The following FRMD3 variants were observed in gnomAD, a reference collection of about 807,000 sequenced individuals.
The protein encoded by FRMD3 is FERM domain containing 3, also known as FERM domain-containing protein 3.
In FRMD3, 33 loss-of-function variants were observed where a neutral mutation model predicts 70.2. The ratio of observed to expected loss-of-function variants is 0.47; its 90% CI spans 0.36 to 0.63. The LOEUF (loss-of-function observed/expected upper bound fraction) is 0.63. Ranked by LOEUF, FRMD3 falls within the 20% of genes least tolerant of loss-of-function variation. The pLI is 0.00. For missense variants in FRMD3, 632 were observed against 711.4 expected (o/e 0.89, Z 1.27); for synonymous variants, 279 against 255.9 (o/e 1.09, Z -0.86).
chr9:83,438,852 G>T (rs1016192036), intron 1 of FRMD3, among the ~76,000 whole-genome samples: 1 of 152,218 alleles, frequency 6.6e-6, no homozygotes, highest in African/African-American at 2.4e-5. Context: ...AGGGCCATGA[G>T]AAGTTGTTCC....
At chr9:83,505,124 T>A (rs1428525536) in intron 1 of FRMD3, among the ~76,000 whole-genome samples, 3 of 152,160 alleles carry the variant, frequency 2.0e-5, no homozygotes, top group African/African-American at 7.2e-5. Context: ...AAAGTCCCCC[T>A]CCTACAATAA....
intron 2 of FRMD3, among the ~76,000 whole-genome samples, chr9:83,385,699 C>T (rs1413283082): frequency 6.6e-6 from 1 of 151,840 alleles, no homozygotes; most frequent in African/African-American, 2.4e-5. Context: ...CCAAATAATT[C>T]ATCAGTTTTA....
intron 1 of FRMD3, among the ~76,000 whole-genome samples, chr9:83,508,939 A>T (rs113065223): frequency 0.014 from 2,087 of 152,034 alleles, 58 homozygotes; most frequent in African/African-American, 0.048. Context: ...CCAATATCCC[A>T]TTCCCAGGGA....
intron 6 of FRMD3, among the ~76,000 whole-genome samples, chr9:83,318,503 A>G (rs1307789980): frequency 1.3e-5 from 2 of 151,972 alleles, no homozygotes; most frequent in African/African-American, 2.4e-5. Flanking sequence ...GTGTGTATAT[A>G]TATATATCAC....
intron 1 of FRMD3, among the ~76,000 whole-genome samples, chr9:83,463,614 T>C (rs897700005): frequency 1.3e-5 from 2 of 152,182 alleles, no homozygotes; most frequent in African/African-American, 4.8e-5. Context: ...GGAACTACAA[T>C]TCAAGATGAG....
intron 1 of FRMD3, among the ~76,000 whole-genome samples, chr9:83,486,872 A>C (rs1345192285): frequency 6.6e-6 from 1 of 152,172 alleles, no homozygotes; most frequent in African/African-American, 2.4e-5. Flanking sequence ...TTTGATAGCA[A>C]TGACTGAATA....
chr9:83,353,793 C>T (rs183966745), intron 3 of FRMD3, among the ~76,000 whole-genome samples: 16 of 152,292 alleles, frequency 1.1e-4, no homozygotes, highest in East Asian at 9.6e-4. Flanking sequence ...GAGTTGGTTA[C>T]GATAGCTACT....
intron 1 of FRMD3, among the ~76,000 whole-genome samples, chr9:83,469,300 C>T (rs1404996959): frequency 6.6e-6 from 1 of 152,168 alleles, no homozygotes; most frequent in Non-Finnish European, 1.5e-5. Context: ...GTCACTCTAA[C>T]AGAGCTCAAC....
At chr9:83,418,423 C>A (rs1049169881) in intron 1 of FRMD3, among the ~76,000 whole-genome samples, 1 of 151,824 alleles carries the variant, frequency 6.6e-6, no homozygotes, top group Non-Finnish European at 1.5e-5. Flanking sequence ...TCAAATAGAT[C>A]ACCAAGAAAA....
At chr9:83,332,291 C>T (rs1352651124) in intron 6 of FRMD3, among the ~76,000 whole-genome samples, 1 of 152,162 alleles carries the variant, frequency 6.6e-6, no homozygotes. Flanking sequence ...TACCTTCAGT[C>T]ATCAATCTAA....
At chr9:83,322,435 A>G (rs1420317219) in intron 6 of FRMD3, among the ~76,000 whole-genome samples, 1 of 152,186 alleles carries the variant, frequency 6.6e-6, no homozygotes, top group Non-Finnish European at 1.5e-5. Context: ...AGCAGCTCAC[A>G]ACAAGGCAGT....
At chr9:83,330,726 A>T (rs10780593) in intron 6 of FRMD3, among the ~76,000 whole-genome samples, 66,963 of 152,092 alleles carry the variant, frequency 0.44, 15,094 homozygotes, top group Admixed American at 0.5. Flanking sequence ...GCTTTACCAA[A>T]ACAGAGCTGA....
intron 11 of FRMD3, 47 bp downstream of exon 11, chr9:83,299,065 G>A (rs1355839280): frequency 7.3e-6 from 10 of 1,371,634 alleles, no homozygotes; most frequent in Non-Finnish European, 1.0e-5. Context: ...AATTTAAGTG[G>A]CTGCCCATCC....
intron 2 of FRMD3, among the ~76,000 whole-genome samples, chr9:83,376,749 T>G (rs1351062788): frequency 6.6e-6 from 1 of 152,062 alleles, no homozygotes; most frequent in Non-Finnish European, 1.5e-5. Flanking sequence ...CTGTGCTATA[T>G]TCCTTTTGAT....
In FRMD3 at chr9:83,299,821, C is replaced by G. The variant is rs566375599; in HGVS notation, c.927-635G>C. ...GAGGCAGAAGCTGCCCAGACAAGAA[C>G]TGATTCAGCACCTCTGAGCCCTACT... On this transcript the variant is annotated intron_variant, in intron 10 of 13. Transcript: ENST00000304195. 2.0e-5 allele frequency among the ~76,000 whole-genome samples: 3 copies of G among 152,324 alleles called. No homozygotes were observed. In the East Asian group the frequency reaches 5.8e-4, roughly 29 times the overall value.
intron 2 of FRMD3, among the ~76,000 whole-genome samples, chr9:83,380,576 G>C (rs572832819): frequency 2.0e-5 from 3 of 152,180 alleles, no homozygotes; most frequent in African/African-American, 7.2e-5. Context: ...ATTTTGGCTT[G>C]GTTGGGGAAA....
rs1368894942 is a variant in FRMD3 at position 83,245,284 on chromosome 9, T to C, written c.*2634A>G. 1.0e-6 allele frequency: 1 copy of C among 985,304 alleles called. No homozygotes were observed. Among genetic ancestry groups the C allele is most frequent in the Non-Finnish European group, 1.2e-6 (1 of 829,920 alleles). 61.0% of individuals were successfully genotyped at this position (985,304 alleles called of 1,614,324 possible). A position where few individuals can be genotyped will look rare whatever the true frequency, so the allele number is the denominator to read the frequency against. On this transcript the variant is annotated 3_prime_UTR_variant, in exon 14 of 14. Transcript: ENST00000304195. Reference sequence around the variant, plus strand: ...CTCTATATCTCACTCTATAATATACTGTCCATCTCTGGAAGCAGGCTTTTC... The same window carrying C: ...CTCTATATCTCACTCTATAATATACCGTCCATCTCTGGAAGCAGGCTTTTC...
chr9:83,371,623 A>G (rs1046159345), intron 3 of FRMD3, among the ~76,000 whole-genome samples: 1 of 152,084 alleles, frequency 6.6e-6, no homozygotes, highest in Non-Finnish European at 1.5e-5. Context: ...TATTATTTCT[A>G]TCTGGATGCA....
intron 10 of FRMD3, among the ~76,000 whole-genome samples, chr9:83,306,173 A>G (rs566166921): frequency 6.6e-6 from 1 of 152,358 alleles, no homozygotes; most frequent in Non-Finnish European, 1.5e-5. Flanking sequence ...ATACGGACCC[A>G]GTGATTTCAC....
Sources: allele counts gnomAD v4.1 joint callset (sites outside exome capture counted in the v4.1 genomes callset), GRCh38; gene constraint gnomAD v4.1.1; transcripts MANE v1.5; gene names NCBI Gene and HGNC (gene_info 2026-07-23, HGNC 2026-07-21).